Variants in ERC1 observed in about 807,000 individuals in gnomAD.
ERC1 encodes RAB6 interacting protein 2.
ERC1 carries 56 observed loss-of-function variants against 132.0 expected under a neutral mutation model. The observed-to-expected ratio is 0.42, with a 90% confidence interval of 0.34 to 0.53. ERC1 has a LOEUF of 0.53. Among genes scored for constraint, ERC1 ranks in the 20% least tolerant of loss-of-function variants. ERC1 has a pLI of 0.03. For missense variants in ERC1, 1,202 were observed against 1,349.9 expected (o/e 0.89, Z 1.72); for synonymous variants, 478 against 476.1 (o/e 1.00, Z -0.05).
At chr12:1,310,489 A>G (rs1013317097) in intron 15 of ERC1, among the ~76,000 whole-genome samples, 4 of 152,196 alleles carry the variant, frequency 2.6e-5, no homozygotes, top group Non-Finnish European at 4.4e-5. Context: ...AATTACAGGC[A>G]GGAGCCACAC....
intron 12 of ERC1, among the ~76,000 whole-genome samples, chr12:1,226,210 A>G (rs2074562603): frequency 6.6e-6 from 1 of 152,246 alleles, no homozygotes; most frequent in Admixed American, 6.5e-5. Flanking sequence ...GTGCATTTTC[A>G]ATGGAGAATG....
intron 8 of ERC1, among the ~76,000 whole-genome samples, chr12:1,180,012 G>A (rs1280011023): frequency 6.6e-6 from 1 of 152,110 alleles, no homozygotes; most frequent in Non-Finnish European, 1.5e-5. Context: ...GATAAAAGAT[G>A]GTGTAAAACT....
intron 18 of ERC1, among the ~76,000 whole-genome samples, chr12:1,485,477 A>G (rs1203139289): frequency 1.3e-5 from 2 of 152,204 alleles, no homozygotes; most frequent in Admixed American, 6.5e-5. Flanking sequence ...TGCTGGGATT[A>G]CAGGCGTGAG....
At chr12:1,350,617 C>T (rs928830917) in intron 15 of ERC1, among the ~76,000 whole-genome samples, 8 of 152,170 alleles carry the variant, frequency 5.3e-5, no homozygotes, top group Non-Finnish European at 2.9e-5. Flanking sequence ...GAGCTCATGT[C>T]GTGTACAAGA....
chr12:1,070,012 CA>C (rs1214627429), intron 2 of ERC1, among the ~76,000 whole-genome samples: 2 of 152,156 alleles, frequency 1.3e-5, no homozygotes, highest in South Asian at 2.1e-4. Context: ...TAACCTTGTG[CA>C]AATGACATCA....
chr12:1,212,532 A>G (rs371898369), intron 12 of ERC1, among the ~76,000 whole-genome samples: 2 of 152,300 alleles, frequency 1.3e-5, no homozygotes, highest in East Asian at 3.9e-4. Flanking sequence ...ATTTTTATTC[A>G]TGAAATTGTT....
chr12:1,025,082 T>C (rs1262790689), intron 1 of ERC1, among the ~76,000 whole-genome samples: 2 of 152,178 alleles, frequency 1.3e-5, no homozygotes, highest in Non-Finnish European at 2.9e-5. Flanking sequence ...TGGGGCAGTC[T>C]TGGATATCTG....
chr12:1,025,049 A>G (rs990399426), intron 1 of ERC1, among the ~76,000 whole-genome samples: 38 of 152,150 alleles, frequency 2.5e-4, no homozygotes, highest in Non-Finnish European at 1.0e-4. Context: ...CAGGGACTTG[A>G]GCATCCTGGG....
intron 14 of ERC1, among the ~76,000 whole-genome samples, chr12:1,288,654 G>A (rs2079200924): frequency 6.6e-6 from 1 of 152,134 alleles, no homozygotes; most frequent in East Asian, 1.9e-4. Context: ...TTTGACTCTA[G>A]GTTTCTCTGT....
At chr12:1,046,292 T>C (rs1971071160) in intron 2 of ERC1, among the ~76,000 whole-genome samples, 1 of 152,222 alleles carries the variant, frequency 6.6e-6, no homozygotes, top group African/African-American at 2.4e-5. Context: ...AACTTGGTCA[T>C]GGACTGGCTT....
At chr12:1,472,608 C>G (rs1173627331) in intron 18 of ERC1, among the ~76,000 whole-genome samples, 2 of 149,868 alleles carry the variant, frequency 1.3e-5, no homozygotes, top group Non-Finnish European at 2.9e-5. Context: ...CGTGATCACA[C>G]CACTGCACTC....
chr12:1,183,387 A>C lies in ERC1; in HGVS notation c.2123A>C (p.Glu708Ala), dbSNP rs769441806. The stretch of plus-strand genomic sequence containing the variant: ...GAGATTGCTTTGGAGCAGAAGAAGG[A>C]GGAGTGTCTGAAAATGGAATCACAA... ...TLEIALEQKK[E>A]ECLKMESQLK... Residue 708 changes from glutamate to alanine, a missense_variant, in exon 11 of 19, where the codon GAG becomes GCG. Glu to Ala is a moderately radical substitution (Grantham distance 107). Coordinates refer to ENST00000360905, the MANE Select transcript of ERC1 (RefSeq NM_178040.4). 8 of 1,589,296 alleles carry C rather than the reference A, an allele frequency of 5.0e-6. No homozygotes were observed. The Admixed American group carries it at 1.3e-4, about 27-fold the overall frequency.
intron 7 of ERC1, among the ~76,000 whole-genome samples, chr12:1,124,553 T>C (rs1167673863): frequency 6.6e-6 from 1 of 151,876 alleles, no homozygotes; most frequent in Non-Finnish European, 1.5e-5. Context: ...AACATATTTA[T>C]CAGAAAATAA....
intron 15 of ERC1, among the ~76,000 whole-genome samples, chr12:1,313,369 A>G (rs1235091727): frequency 3.3e-5 from 5 of 152,196 alleles, no homozygotes. Context: ...TTAGTTGGGC[A>G]GTGACTATCC....
chr12:1,004,300 A>G (rs2097927657), intron 1 of ERC1, among the ~76,000 whole-genome samples: 2 of 151,236 alleles, frequency 1.3e-5, no homozygotes, highest in African/African-American at 4.9e-5. Flanking sequence ...TTTCGTATCT[A>G]TTGGATGCTT....
intron 2 of ERC1, among the ~76,000 whole-genome samples, chr12:1,070,327 G>T (rs893386396): frequency 3.3e-5 from 5 of 151,230 alleles, no homozygotes; most frequent in African/African-American, 7.3e-5. Context: ...TGGAGGCAGG[G>T]TCTCACTCTG....
intron 15 of ERC1, among the ~76,000 whole-genome samples, chr12:1,304,864 A>C (rs181437628): frequency 0.01 from 1,295 of 128,554 alleles, 22 homozygotes; most frequent in African/African-American, 0.036. Context: ...ATCTCGGCTC[A>C]CTGCAAGCTC....
chr12:1,288,007 CAGA>C (rs1188006919), intron 14 of ERC1, among the ~76,000 whole-genome samples: 1 of 152,026 alleles, frequency 6.6e-6, no homozygotes, highest in Non-Finnish European at 1.5e-5. Context: ...AAAAAGGAGC[CAGA>C]ATAGCCAAAA....
At chr12:1,236,016 G>A (rs746644950) in intron 12 of ERC1, among the ~76,000 whole-genome samples, 23 of 133,232 alleles carry the variant, frequency 1.7e-4, no homozygotes, top group South Asian at 2.4e-4. Flanking sequence ...TCTAAGTCTC[G>A]AAACCTATTG....
Sources: allele counts gnomAD v4.1 joint callset (sites outside exome capture counted in the v4.1 genomes callset), GRCh38; gene constraint gnomAD v4.1.1; transcripts MANE v1.5; gene names NCBI Gene and HGNC (gene_info 2026-07-23, HGNC 2026-07-21).